Variants in NT5DC1 observed in about 807,000 individuals in gnomAD.
NT5DC1 encodes 5'-nucleotidase domain-containing protein 1.
A neutral mutation model predicts 59.4 loss-of-function variants in NT5DC1; 42 were observed. The ratio of observed to expected loss-of-function variants is 0.71; its 90% CI spans 0.55 to 0.92. The LOEUF (loss-of-function observed/expected upper bound fraction) is 0.92. NT5DC1 is among the 40% of genes least tolerant of loss of function. NT5DC1 has a pLI of 0.00. For synonymous variants in NT5DC1, 172 were observed against 188.1 expected, an observed-to-expected ratio of 0.91 and a Z score of 0.70; for missense variants, 501 against 537.1, an observed-to-expected ratio of 0.93 and a Z score of 0.66.
intron 6 of NT5DC1, among the ~76,000 whole-genome samples, chr6:116,207,198 T>G (rs761950858): frequency 4.6e-5 from 7 of 151,990 alleles, no homozygotes; most frequent in Non-Finnish European, 7.4e-5. Flanking sequence ...TCTTCCACTT[T>G]ATTCTGAAAG....
At chr6:116,224,321 C>G (rs1011296255) in intron 8 of NT5DC1, among the ~76,000 whole-genome samples, 1 of 152,146 alleles carries the variant, frequency 6.6e-6, no homozygotes. Flanking sequence ...GGCTTATGAA[C>G]AGTGAAATCT....
At chr6:116,114,315 A>G (rs909013915) in intron 4 of NT5DC1, among the ~76,000 whole-genome samples, 2 of 152,156 alleles carry the variant, frequency 1.3e-5, no homozygotes, top group East Asian at 3.8e-4. Flanking sequence ...AACAATATTC[A>G]GAGGAACAGA....
chr6:116,190,634 A>G lies in NT5DC1; in HGVS notation c.530-30420A>G, dbSNP rs1319517206. Reference sequence around the variant, plus strand: ...CCATGCAGAAAGCCTCTACTTTTACACAACTCTGCTTTATTGGATCGTCAA... The same window carrying G: ...CCATGCAGAAAGCCTCTACTTTTACGCAACTCTGCTTTATTGGATCGTCAA... On this transcript the variant is annotated intron_variant, in intron 6 of 11. Coordinates refer to ENST00000319550, the MANE Select transcript of NT5DC1 (RefSeq NM_152729.3). Among the ~76,000 whole-genome samples, 64 of 152,172 alleles carry G rather than the reference A, an allele frequency of 4.2e-4. 1 individual carries two copies. Among genetic ancestry groups the G allele is most frequent in the Non-Finnish European group, 8.8e-5 (6 of 67,972 alleles).
rs141132231 is a variant in NT5DC1, at chr6:116,237,044, A to G, written c.881A>G (p.Tyr294Cys). ...TCCCAAGGGAACGCTGTCCACCTCT[A>G]TGAACTTCTGAAGAAAATGACTGGC... ...WYSQGNAVHL[Y>C]ELLKKMTGKP... The change falls in exon 9 of 12, where the codon TAT becomes TGT. Residue 294 changes from tyrosine to cysteine, a missense_variant. Coordinates refer to ENST00000319550, the MANE Select transcript of NT5DC1 (RefSeq NM_152729.3). 123 of 1,613,222 alleles carry G rather than the reference A, an allele frequency of 7.6e-5. No individual in the cohort carries two copies. The highest frequency in any genetic ancestry group is 9.2e-5 in the Non-Finnish European group (108 of 1,179,336).
At chr6:116,153,185 G>T (rs1432872223) in intron 6 of NT5DC1, among the ~76,000 whole-genome samples, 1 of 151,798 alleles carries the variant, frequency 6.6e-6, no homozygotes, top group East Asian at 1.9e-4. Flanking sequence ...TTTGAGTAGG[G>T]TTATTAGAAT....
rs568259125 is a variant in NT5DC1, at chr6:116,243,688, A to G, written c.1253-221A>G. Among the ~76,000 whole-genome samples the G allele has an allele frequency of 2.0e-3, 297 of 152,282 alleles. 2 individuals are homozygous for G. Among genetic ancestry groups the G allele is most frequent in the African/African-American group, 6.8e-3 (281 of 41,560 alleles). Reference sequence around the variant, plus strand: ...AGAAGCCTTTTTTATAGCTGTTGTAAAAGTTTGTCTTTATTAGCCATATGT... The same window carrying G: ...AGAAGCCTTTTTTATAGCTGTTGTAGAAGTTTGTCTTTATTAGCCATATGT... On this transcript the variant is annotated intron_variant, in intron 11 of 11. Coordinates refer to ENST00000319550, the MANE Select transcript of NT5DC1 (RefSeq NM_152729.3).
At chr6:116,233,483 C>T (rs944732192) in intron 8 of NT5DC1, among the ~76,000 whole-genome samples, 4 of 152,122 alleles carry the variant, frequency 2.6e-5, no homozygotes, top group Non-Finnish European at 4.4e-5. Flanking sequence ...TTGCGGGTGT[C>T]CTCAGGGATG....
At chr6:116,225,490 C>T (rs547183692) in intron 8 of NT5DC1, among the ~76,000 whole-genome samples, 8 of 152,196 alleles carry the variant, frequency 5.3e-5, no homozygotes, top group East Asian at 3.9e-4. Context: ...CAGTAGAATA[C>T]GTGTTCAGAA....
intron 4 of NT5DC1, among the ~76,000 whole-genome samples, chr6:116,114,706 T>A (rs1183801201): frequency 6.6e-6 from 1 of 152,060 alleles, no homozygotes; most frequent in Non-Finnish European, 1.5e-5. Flanking sequence ...TTACTCCTGA[T>A]CCCAGTAGTC....
chr6:116,136,859 T>A (rs1189606338), intron 6 of NT5DC1, among the ~76,000 whole-genome samples: 2 of 152,094 alleles, frequency 1.3e-5, no homozygotes, highest in African/African-American at 4.8e-5. Context: ...AATGCAAAAA[T>A]CTGAAACCCC....
chr6:116,240,116 G>C (rs1002014856), intron 11 of NT5DC1, among the ~76,000 whole-genome samples: 47 of 152,112 alleles, frequency 3.1e-4, no homozygotes, highest in African/African-American at 1.1e-3. Context: ...ACAGAAGAGA[G>C]GCTGAGACAT....
Position 116,192,821 on chromosome 6 carries a change from T to A in NT5DC1, c.530-28233T>A, listed in dbSNP as rs151292555. 1.1e-4 allele frequency among the ~76,000 whole-genome samples: 17 copies of A among 152,178 alleles called. No individual in the cohort carries two copies. The East Asian group carries it at 3.3e-3, about 30-fold the overall frequency. Reference sequence around the variant, plus strand: ...TCCTGGTATTAAGCTGAAACCTGCTTCTTTGGCCTCCTACTATTGGAAGGT... The same window carrying A: ...TCCTGGTATTAAGCTGAAACCTGCTACTTTGGCCTCCTACTATTGGAAGGT... On this transcript the variant is annotated intron_variant, in intron 6 of 11. Coordinates refer to ENST00000319550, the MANE Select transcript of NT5DC1 (RefSeq NM_152729.3).
rs544983352 is a variant in NT5DC1, at chr6:116,248,144, T to G, written c.*4120T>G. ...TGTTAACATTTGTATGCCAAATTTA[T>G]TACGATAGCTGTGATAGAGTAGAAG... On this transcript the variant is annotated 3_prime_UTR_variant, in exon 12 of 12. Transcript: ENST00000319550. 2 of 152,336 alleles carry G rather than the reference T, an allele frequency of 1.3e-5. No individual in the cohort carries two copies. Among genetic ancestry groups the G allele is most frequent in the East Asian group, 3.9e-4 (2 of 5,192 alleles). The allele number at this position is 152,336 out of a possible 1,614,324, so 9.4% of individuals were successfully genotyped here.
In NT5DC1 at chr6:116,117,740, A is replaced by G. The variant is rs1033727767; in HGVS notation, c.445-121A>G. 1.1e-5 allele frequency: 7 copies of G among 609,440 alleles called. No individual in the cohort carries two copies. In the East Asian group the frequency reaches 2.0e-4, roughly 17 times the overall value. The allele number at this position is 609,440 out of a possible 1,614,324, so 37.8% of individuals were successfully genotyped here. ...ACTTTTGTACCATTATAAAATAAAAAAATTGTAAGTCTAACCATCTTAAGT... is the reference window on the plus strand; with the variant it reads ...ACTTTTGTACCATTATAAAATAAAAGAATTGTAAGTCTAACCATCTTAAGT... On this transcript the variant is annotated intron_variant, in intron 5 of 11. Transcript: ENST00000319550.
At chr6:116,162,732 T>C (rs944606871) in intron 6 of NT5DC1, among the ~76,000 whole-genome samples, 2 of 152,148 alleles carry the variant, frequency 1.3e-5, no homozygotes, top group African/African-American at 4.8e-5. Flanking sequence ...GGCCCATAGT[T>C]TTCTGTTTTT....
At chr6:116,172,772 A>G (rs939137304) in intron 6 of NT5DC1, among the ~76,000 whole-genome samples, 3 of 152,212 alleles carry the variant, frequency 2.0e-5, no homozygotes, top group Admixed American at 6.5e-5. Context: ...GGCATCAAAA[A>G]TAGTCAAAAC....
intron 1 of NT5DC1, among the ~76,000 whole-genome samples, chr6:116,105,664 T>C (rs1397041275): frequency 6.6e-6 from 1 of 152,136 alleles, no homozygotes; most frequent in Non-Finnish European, 1.5e-5. Flanking sequence ...ATCAACAGAG[T>C]ATTTATTATT....
chr6:116,134,284 G>A (rs1283529854), intron 6 of NT5DC1, among the ~76,000 whole-genome samples: 1 of 152,010 alleles, frequency 6.6e-6, no homozygotes, highest in Non-Finnish European at 1.5e-5. Flanking sequence ...TGGAGCAGGA[G>A]CTACTTCCTG....
intron 6 of NT5DC1, among the ~76,000 whole-genome samples, chr6:116,189,462 C>T (rs963666862): frequency 6.6e-6 from 1 of 151,912 alleles, no homozygotes; most frequent in African/African-American, 2.4e-5. Flanking sequence ...ACCTCCCTCT[C>T]ATTTCTAACT....
Sources: gnomAD v4.1 joint callset for allele counts (sites outside exome capture counted in the v4.1 genomes callset) on GRCh38, gnomAD v4.1.1 for gene constraint, MANE v1.5 for transcripts, NCBI Gene and HGNC (gene_info 2026-07-23, HGNC 2026-07-21) for gene names.